The following HS2ST1 variants were observed in gnomAD, a reference collection of about 807,000 sequenced individuals.
HS2ST1 encodes the protein 2-O-sulfotransferase.
HS2ST1 carries 18 observed loss-of-function variants against 42.9 expected under a neutral mutation model. The observed-to-expected ratio is 0.42, with a 90% CI of 0.29 to 0.62. HS2ST1 has a LOEUF of 0.62. Among genes scored for constraint, HS2ST1 ranks in the 20% least tolerant of loss-of-function variants. The pLI is 0.21. For missense variants in HS2ST1, 334 were observed against 433.8 expected, an observed-to-expected ratio of 0.77 and a Z score of 2.04; for synonymous variants, 146 against 152.9, an observed-to-expected ratio of 0.95 and a Z score of 0.33.
intron 1 of HS2ST1, among the ~76,000 whole-genome samples, chr1:86,918,664 T>G (rs1660221280): frequency 6.6e-6 from 1 of 152,058 alleles, no homozygotes; most frequent in African/African-American, 2.4e-5. Flanking sequence ...TTTAACAGAT[T>G]TAAAAATCTA....
intron 1 of HS2ST1, among the ~76,000 whole-genome samples, chr1:87,010,149 T>A (rs1378261042): frequency 6.6e-6 from 1 of 152,106 alleles, no homozygotes; most frequent in African/African-American, 2.4e-5. Flanking sequence ...GCAAGAAATG[T>A]AAGCCTTCTA....
chr1:87,011,269 A>G (rs931074035), intron 1 of HS2ST1, among the ~76,000 whole-genome samples: 6 of 151,190 alleles, frequency 4.0e-5, no homozygotes, highest in Admixed American at 1.3e-4. Flanking sequence ...TCTTTTTATT[A>G]TTATTTTTTA....
chr1:86,999,655 C>T (rs1649218848), intron 1 of HS2ST1, among the ~76,000 whole-genome samples: 1 of 151,192 alleles, frequency 6.6e-6, no homozygotes, highest in Non-Finnish European at 1.5e-5. Context: ...TTTCCATATC[C>T]AAAAAGAATA....
At chr1:86,948,616 T>C (rs1647407615) in intron 1 of HS2ST1, among the ~76,000 whole-genome samples, 1 of 152,238 alleles carries the variant, frequency 6.6e-6, no homozygotes, top group South Asian at 2.1e-4. Context: ...ATGGTCTATA[T>C]TCTTAAGCTG....
intron 1 of HS2ST1, among the ~76,000 whole-genome samples, chr1:86,927,168 C>G (rs959563025): frequency 6.6e-6 from 1 of 152,072 alleles, no homozygotes; most frequent in Non-Finnish European, 1.5e-5. Flanking sequence ...ACCTTTATAC[C>G]AAGCTAAGTA....
At chr1:86,945,586 G>C (rs1166547704) in intron 1 of HS2ST1, among the ~76,000 whole-genome samples, 2 of 152,024 alleles carry the variant, frequency 1.3e-5, no homozygotes, top group Admixed American at 1.3e-4. Context: ...GCTTTGCAGT[G>C]ATCTCTAGAT....
chr1:87,081,361 A>G (rs1651683252), intron 2 of HS2ST1, among the ~76,000 whole-genome samples: 2 of 152,248 alleles, frequency 1.3e-5, no homozygotes, highest in African/African-American at 2.4e-5. Flanking sequence ...TATATCAAAT[A>G]TCTTCTCTGA....
intron 1 of HS2ST1, among the ~76,000 whole-genome samples, chr1:86,931,570 A>T (rs1036655848): frequency 6.6e-6 from 1 of 152,096 alleles, no homozygotes; most frequent in Non-Finnish European, 1.5e-5. Context: ...TTTATTAAAT[A>T]ATAACAAGGA....
chr1:87,066,644 A>T (rs938767771), intron 1 of HS2ST1, among the ~76,000 whole-genome samples: 1 of 152,050 alleles, frequency 6.6e-6, no homozygotes, highest in African/African-American at 2.4e-5. Context: ...TTACATAGGT[A>T]TACCTGTGCC....
chr1:86,935,247 T>C lies in HS2ST1; in HGVS notation c.124+20087T>C, dbSNP rs115201977. Among the ~76,000 whole-genome samples the C allele has an allele frequency of 9.8e-3, 1,492 of 152,122 alleles. 7 individuals are homozygous for C. The highest frequency in any genetic ancestry group is 0.02 in the Middle Eastern group (6 of 294). ...TAGTATCTGGTAGGGCTAATCTTGCTTTACTTTCCTATTTATTGTTGCATA... is the reference window on the plus strand; with the variant it reads ...TAGTATCTGGTAGGGCTAATCTTGCCTTACTTTCCTATTTATTGTTGCATA... On this transcript the variant is annotated intron_variant, in intron 1 of 6. Transcript: ENST00000370550.
chr1:87,028,153 A>G (rs1249531459), intron 1 of HS2ST1, among the ~76,000 whole-genome samples: 1 of 152,228 alleles, frequency 6.6e-6, no homozygotes, highest in African/African-American at 2.4e-5. Context: ...AACTACTTTA[A>G]GTAGACAATT....
intron 2 of HS2ST1, among the ~76,000 whole-genome samples, 187 bp downstream of exon 2, chr1:87,073,359 C>T (rs1651464374): frequency 6.6e-6 from 1 of 152,128 alleles, no homozygotes; most frequent in South Asian, 2.1e-4. Context: ...CATTTCCTTG[C>T]ATATAGTATG....
chr1:86,997,700 T>G (rs1377928162), intron 1 of HS2ST1, among the ~76,000 whole-genome samples: 6 of 152,054 alleles, frequency 3.9e-5, no homozygotes. Context: ...AAACCACAGC[T>G]AGTACTGAAC....
intron 1 of HS2ST1, among the ~76,000 whole-genome samples, chr1:86,948,396 C>T (rs1434331259): frequency 6.6e-6 from 1 of 152,126 alleles, no homozygotes; most frequent in Non-Finnish European, 1.5e-5. Context: ...TCTAGTAAAC[C>T]TCCCACTTCG....
At chr1:86,985,942 T>C (rs1422145407) in intron 1 of HS2ST1, among the ~76,000 whole-genome samples, 6 of 152,072 alleles carry the variant, frequency 3.9e-5, no homozygotes. Flanking sequence ...AAAACACAAA[T>C]TATTCTTCTT....
At chr1:87,055,855 C>T (rs1049372159) in intron 1 of HS2ST1, among the ~76,000 whole-genome samples, 7 of 152,100 alleles carry the variant, frequency 4.6e-5, no homozygotes, top group African/African-American at 4.8e-5. Context: ...TAAGAATGTC[C>T]GTCAGAAAGC....
At chr1:86,984,950 G>A (rs753872760) in intron 1 of HS2ST1, among the ~76,000 whole-genome samples, 1 of 150,378 alleles carries the variant, frequency 6.6e-6, no homozygotes, top group Non-Finnish European at 1.5e-5. Flanking sequence ...ACAGATAGGA[G>A]TTGAGTCTAA....
intron 1 of HS2ST1, 129 bp downstream of exon 1, chr1:86,915,289 G>A (rs564750515): frequency 1.4e-5 from 14 of 1,011,994 alleles, no homozygotes; most frequent in Non-Finnish European, 1.8e-5. Context: ...AAAGAGAACC[G>A]GGAACAAGGG....
At chr1:87,063,192 T>G (rs1021533616) in intron 1 of HS2ST1, among the ~76,000 whole-genome samples, 5 of 152,184 alleles carry the variant, frequency 3.3e-5, no homozygotes, top group African/African-American at 1.2e-4. Flanking sequence ...TTGTTTTTGT[T>G]TCTCCTTTTC....
Sources: allele counts gnomAD v4.1 joint callset (sites outside exome capture counted in the v4.1 genomes callset), GRCh38; gene constraint gnomAD v4.1.1; transcripts MANE v1.5; gene names NCBI Gene and HGNC (gene_info 2026-07-23, HGNC 2026-07-21).